KDM5A: variants seen among roughly 807,000 people sequenced by gnomAD.
KDM5A encodes the protein lysine demethylase 5A.
In KDM5A, 42 loss-of-function variants were observed where a neutral mutation model predicts 193.5. The observed-to-expected ratio is 0.22, with a 90% confidence interval of 0.17 to 0.28. KDM5A has a LOEUF of 0.28. KDM5A is among the 10% of genes least tolerant of loss of function. KDM5A has a pLI of 1.00. For missense variants in KDM5A, 1,692 were observed against 2,055.1 expected, an observed-to-expected ratio of 0.82 and a Z score of 3.42; for synonymous variants, 796 against 718.1, an observed-to-expected ratio of 1.11 and a Z score of -1.73.
At chr12:313,297 C>G in intron 19 of KDM5A, 103 bp from the exon 20 acceptor site, 5 of 1,344,442 alleles carry the variant, frequency 3.7e-6, no homozygotes, top group Non-Finnish European at 5.3e-6. Context: ...TCACTGAATT[C>G]TTACCACAAT....
intron 10 of KDM5A, among the ~76,000 whole-genome samples, chr12:342,697 A>G (rs1363144347): frequency 6.6e-6 from 1 of 151,404 alleles, no homozygotes; most frequent in Non-Finnish European, 1.5e-5. Context: ...ACTGACCTCA[A>G]GTGATTCACC....
intron 24 of KDM5A, among the ~76,000 whole-genome samples, chr12:304,938 T>C (rs1337230168): frequency 4.6e-5 from 7 of 152,198 alleles, no homozygotes; most frequent in Non-Finnish European, 1.0e-4. Flanking sequence ...CTAATTATAC[T>C]TGGCATGGGT....
rs1386945033 is a variant in KDM5A, at chr12:389,082, C to A, written c.10G>T (p.Val4Leu). MAG[V>L]GPGGYAAEFV... is the part of the protein sequence containing the mutation. ...TCCGCCGCGTAGCCCCCCGGCCCCA[C>A]GCCCGCCATTGCAACGGCCGGGGGG... Residue 4 changes from valine (V) to leucine (L), a missense_variant, in exon 1 of 28, where the codon GTG becomes TTG. Val to Leu is a conservative substitution (Grantham distance 32, BLOSUM62 1). Transcript: ENST00000399788. 1.2e-6 allele frequency: 2 copies of A among 1,605,262 alleles called. No homozygotes were observed. Among genetic ancestry groups the A allele is most frequent in the Non-Finnish European group, 1.7e-6 (2 of 1,178,072 alleles).
chr12:304,298 A>G (rs1002124200), intron 24 of KDM5A, among the ~76,000 whole-genome samples: 8 of 152,220 alleles, frequency 5.3e-5, no homozygotes, highest in Non-Finnish European at 7.3e-5. Context: ...TACTAAGTTC[A>G]AAGTATTTTA....
At chr12:305,969 GTTTT>G (rs3038312) in intron 24 of KDM5A, among the ~76,000 whole-genome samples, 3 of 104,214 alleles carry the variant, frequency 2.9e-5, no homozygotes, top group Non-Finnish European at 5.5e-5. Context: ...CAATGGAAGT[GTTTT>G]TTTTTTTTTT....
At chr12:375,976 T>C (rs1944498162) in intron 3 of KDM5A, among the ~76,000 whole-genome samples, 1 of 152,214 alleles carries the variant, frequency 6.6e-6, no homozygotes, top group South Asian at 2.1e-4. Context: ...CATGTGGGTG[T>C]CAAGGCTGCC....
intron 10 of KDM5A, among the ~76,000 whole-genome samples, chr12:340,041 A>G (rs1943980992): frequency 6.6e-6 from 1 of 151,824 alleles, no homozygotes; most frequent in South Asian, 2.1e-4. Context: ...ACACCCAGCT[A>G]ATTTTTGTAT....
rs773776448 is a variant in KDM5A, at chr12:318,378, C to T, written c.2625G>A (p.Gln875=). The stretch of plus-strand genomic sequence containing the variant: ...GACTAGAGCCCATATCTATCAACAT[C>T]TGGAGTTTGGAAGAATCTGGGGTTT... ...MDETPDSSKL[Q]MLIDMGSSLY... is the part of the protein sequence containing the mutation. The change falls in exon 19 of 28, where the codon CAG becomes CAA. Residue 875 remains glutamine, a synonymous_variant. Transcript: ENST00000399788. 1 of 1,614,182 alleles carries T rather than the reference C, an allele frequency of 6.2e-7. No homozygotes were observed. Among genetic ancestry groups the T allele is most frequent in the East Asian group, 2.2e-5 (1 of 44,880 alleles).
intron 3 of KDM5A, among the ~76,000 whole-genome samples, chr12:369,176 CA>C (rs1944394588): frequency 6.7e-6 from 1 of 148,820 alleles, no homozygotes. Context: ...TCTGTTCAAA[CA>C]ATCAATCAGG....
intron 18 of KDM5A, among the ~76,000 whole-genome samples, chr12:320,482 C>T (rs1279902120): frequency 6.6e-6 from 1 of 151,988 alleles, no homozygotes; most frequent in Non-Finnish European, 1.5e-5. Context: ...GGCGACAGAG[C>T]GAGACTCCCA....
At chr12:319,940 AGT>A (rs1436517417) in intron 18 of KDM5A, among the ~76,000 whole-genome samples, 1 of 152,148 alleles carries the variant, frequency 6.6e-6, no homozygotes, top group Non-Finnish European at 1.5e-5. Context: ...AGGTATCAGA[AGT>A]GGGGGCACCT....
chr12:307,874 G>C lies in KDM5A; in HGVS notation c.3510C>G (p.Ala1170=). ...GCTCACACTGTAGCATAAACCCACT[G>C]GCTGTCTTGCGGCAAATGCAAAATT... is the stretch of plus-strand genomic sequence containing the variant. The part of the protein sequence containing the change: ...EVKFCICRKT[A]SGFMLQCELC... The change falls in exon 23 of 28, where the codon GCC becomes GCG. Residue 1170 remains alanine, a synonymous_variant. Transcript: ENST00000399788. This position sits in a 1 kb window ranked among gnomAD's most constrained non-coding sequence, Gnocchi z 4.3. The C allele has an allele frequency of 1.2e-6, 2 of 1,614,136 alleles. No individual in the cohort carries two copies. The highest frequency in any genetic ancestry group is 1.7e-6 in the Non-Finnish European group (2 of 1,180,010).
intron 10 of KDM5A, among the ~76,000 whole-genome samples, chr12:342,498 C>T (rs904989156): frequency 5.9e-5 from 9 of 151,888 alleles, no homozygotes; most frequent in Admixed American, 6.6e-5. Context: ...CTTGCTCTGT[C>T]GCCCAGGCTG....
intron 10 of KDM5A, among the ~76,000 whole-genome samples, chr12:349,723 A>G (rs1944128217): frequency 6.6e-6 from 1 of 150,726 alleles, no homozygotes; most frequent in Non-Finnish European, 1.5e-5. Flanking sequence ...CTTTTTTTTA[A>G]GAGACAGGTT....
In KDM5A at chr12:333,593, T is replaced by G; in HGVS notation, c.1547A>C (p.Glu516Ala). Residue 516 changes from glutamate (E) to alanine (A), a missense_variant, in exon 12 of 28, where the codon GAG becomes GCG. This residue lies in a region of KDM5A where 172 missense variants were observed against 260.3 expected (regional missense o/e 0.66). Transcript: ENST00000399788. Reference sequence around the variant, plus strand: ...CTCGGGGGCCAGCTCTCTCATCACCTCCTCCAGTTGCTCTGCAGCATGAGA... The same window carrying G: ...CTCGGGGGCCAGCTCTCTCATCACCGCCTCCAGTTGCTCTGCAGCATGAGA... Reference protein sequence around the residue: ...VPSHAAEQLEEVMRELAPELF... With the variant: ...VPSHAAEQLEAVMRELAPELF... The G allele has an allele frequency of 6.2e-7, 1 of 1,614,028 alleles. No homozygotes were observed. Among genetic ancestry groups the G allele is most frequent in the Non-Finnish European group, 8.5e-7 (1 of 1,179,982 alleles).
chr12:283,909 A>C lies in KDM5A; in HGVS notation c.*1547T>G, dbSNP rs1323629709. On this transcript the variant is annotated 3_prime_UTR_variant, in exon 28 of 28. Coordinates refer to ENST00000399788, the MANE Select transcript of KDM5A (RefSeq NM_001042603.3). The stretch of plus-strand genomic sequence containing the variant: ...TAAGAAGAACAGAGAACACAACAGG[A>C]GGGAAGAGGACACAGCACCATAGTT... 4.3e-6 allele frequency: 1 copy of C among 233,306 alleles called. No homozygotes were observed. Among genetic ancestry groups the C allele is most frequent in the East Asian group, 6.0e-5 (1 of 16,564 alleles). The allele number at this position is 233,306 out of a possible 1,614,324, so 14.5% of individuals were successfully genotyped here. A position where few individuals can be genotyped will look rare whatever the true frequency, so the allele number is the denominator to read the frequency against.
rs1358759652 is a variant in KDM5A, at chr12:359,741, C to CAA, written c.673-3206_673-3205dup. On this transcript the variant is annotated intron_variant, in intron 5 of 27. Coordinates refer to ENST00000399788, the MANE Select transcript of KDM5A (RefSeq NM_001042603.3). Reference sequence around the variant, plus strand: ...TGGGTGACAGAGCCACACACTGCCTCAAAAAAAAAAAAAGGGTGGGGGGGA... The same window carrying CAA: ...TGGGTGACAGAGCCACACACTGCCTCAAAAAAAAAAAAAAAGGGTGGGGGGGA... Among the ~76,000 whole-genome samples the CAA allele has an allele frequency of 1.0e-3, 38 of 37,926 alleles. 2 individuals are homozygous for CAA. In the East Asian group the frequency reaches 0.016, roughly 16 times the overall value. The allele number at this position is 37,926 out of a possible 152,430, so 24.9% of individuals were successfully genotyped here.
At chr12:357,826 TCA>T (rs1944245540) in intron 5 of KDM5A, among the ~76,000 whole-genome samples, 1 of 5,562 alleles carries the variant, frequency 1.8e-4, no homozygotes, top group South Asian at 4.2e-3. Flanking sequence ...AGACTCAGTC[TCA>T]AAAAAAAAAA....
intron 12 of KDM5A, among the ~76,000 whole-genome samples, chr12:332,841 C>T (rs1445111742): frequency 6.6e-6 from 1 of 151,912 alleles, no homozygotes; most frequent in Non-Finnish European, 1.5e-5. Flanking sequence ...TGATTAGAGC[C>T]ACCACTTAAA....
Sources: gnomAD v4.1 joint callset for allele counts (sites outside exome capture counted in the v4.1 genomes callset) on GRCh38, gnomAD v4.1.1 for gene constraint, gnomAD v4.1.1 regional missense constraint, Gnocchi (gnomAD v3.1) non-coding constraint, MANE v1.5 for transcripts, NCBI Gene and HGNC (gene_info 2026-07-23, HGNC 2026-07-21) for gene names.